METTL15: variants seen among roughly 807,000 people sequenced by gnomAD.
The protein encoded by METTL15 is 12S rRNA N(4)-cytidine methyltransferase METTL15.
A neutral mutation model predicts 38.3 loss-of-function variants in METTL15; 34 were observed. The ratio of observed to expected loss-of-function variants is 0.89; its 90% CI spans 0.68 to 1.18. METTL15 has a LOEUF of 1.18. Among genes scored for constraint, METTL15 ranks in the 50% most tolerant of loss-of-function variants. METTL15 has a pLI of 0.00. For synonymous variants in METTL15, 162 were observed against 170.9 expected (o/e 0.95, Z 0.41); for missense variants, 438 against 498.4 (o/e 0.88, Z 1.15).
intron 3 of METTL15, among the ~76,000 whole-genome samples, chr11:28,208,372 A>C (rs918008297): frequency 2.0e-5 from 3 of 151,886 alleles, no homozygotes; most frequent in Non-Finnish European, 4.4e-5. Context: ...TATGTACCCC[A>C]TAGTCATTCA....
chr11:28,406,098 T>C (rs1850671332), intron 5 of METTL15, among the ~76,000 whole-genome samples: 1 of 152,208 alleles, frequency 6.6e-6, no homozygotes, highest in Admixed American at 6.5e-5. Flanking sequence ...GGGCTCTTTT[T>C]TGGTCCATAT....
chr11:28,331,110 G>A lies in METTL15; in HGVS notation c.*269G>A, dbSNP rs1320746484. On this transcript the variant is annotated 3_prime_UTR_variant, in exon 7 of 7. Transcript: ENST00000407364. Reference sequence around the variant, plus strand: ...TGAAGGCAATCCTTCCTCTGGCCAGGAAATTTTTTAAAAAATAATACTGTG... The same window carrying A: ...TGAAGGCAATCCTTCCTCTGGCCAGAAAATTTTTTAAAAAATAATACTGTG... 1 of 236,660 alleles carries A rather than the reference G, an allele frequency of 4.2e-6. No individual in the cohort carries two copies. The highest frequency in any genetic ancestry group is 7.8e-6 in the Non-Finnish European group (1 of 127,840). 14.7% of individuals were successfully genotyped at this position (236,660 alleles called of 1,614,324 possible). A position where few individuals can be genotyped will look rare whatever the true frequency, so the allele number is the denominator to read the frequency against.
intron 3 of METTL15, among the ~76,000 whole-genome samples, chr11:28,135,135 A>G (rs1849473446): frequency 6.6e-6 from 1 of 152,230 alleles, no homozygotes; most frequent in South Asian, 2.1e-4. Context: ...AGAATTTAAT[A>G]ACAGGTATAT....
chr11:28,433,709 C>T (rs1054893316), intron 6 of METTL15, among the ~76,000 whole-genome samples: 2 of 152,062 alleles, frequency 1.3e-5, no homozygotes, highest in Admixed American at 6.6e-5. Flanking sequence ...CATAAGTTTC[C>T]ATGGAGCTAT....
chr11:28,492,520 CCACACACA>C (rs34573735), intron 6 of METTL15, among the ~76,000 whole-genome samples: 1 of 147,042 alleles, frequency 6.8e-6, no homozygotes, highest in Non-Finnish European at 1.5e-5. Context: ...GCAACTGGAG[CCACACACA>C]CACACACACA....
At chr11:28,115,303 G>A (rs1851892964) in intron 3 of METTL15, among the ~76,000 whole-genome samples, 1 of 150,894 alleles carries the variant, frequency 6.6e-6, no homozygotes, top group South Asian at 2.1e-4. Flanking sequence ...TTGTTGCCCA[G>A]GCTGGAGTGC....
intron 5 of METTL15, among the ~76,000 whole-genome samples, chr11:28,369,870 T>C (rs1213824474): frequency 6.6e-6 from 1 of 152,092 alleles, no homozygotes; most frequent in Non-Finnish European, 1.5e-5. Flanking sequence ...AAGGTAAATA[T>C]ATCAACAAAT....
intron 4 of METTL15, among the ~76,000 whole-genome samples, chr11:28,226,364 T>A (rs1339637065): frequency 6.6e-6 from 1 of 151,962 alleles, no homozygotes; most frequent in Non-Finnish European, 1.5e-5. Context: ...TTGTTTGTTT[T>A]CAGAAAAGAT....
In METTL15 at chr11:28,415,959, G is replaced by C. The variant is rs951687747; in HGVS notation, c.*359-8340G>C. The stretch of plus-strand genomic sequence containing the variant: ...GGGGCCTGAGATAAAAGTACAAGTA[G>C]AGACACACATAACATATGTCTAAAT... On this transcript the variant is annotated intron_variant and NMD_transcript_variant, in intron 5 of 7. Coordinates refer to the METTL15 transcript ENST00000532947. Among the ~76,000 whole-genome samples, 11 of 152,280 alleles carry C rather than the reference G, an allele frequency of 7.2e-5. No individual in the cohort carries two copies. The South Asian group carries it at 1.7e-3, about 23-fold the overall frequency.
downstream of METTL15, among the ~76,000 whole-genome samples, chr11:28,530,390 G>C (rs1851837773): frequency 6.6e-6 from 1 of 152,092 alleles, no homozygotes; most frequent in Non-Finnish European, 1.5e-5. Flanking sequence ...TGAATGCAGA[G>C]TATCTGGTTA....
chr11:28,138,877 A>G (rs1240072101), intron 3 of METTL15, among the ~76,000 whole-genome samples: 1 of 152,170 alleles, frequency 6.6e-6, no homozygotes, highest in Non-Finnish European at 1.5e-5. Context: ...TTCTATCCTA[A>G]GGTATTCCTC....
intron 4 of METTL15, among the ~76,000 whole-genome samples, chr11:28,359,462 T>C (rs1034528104): frequency 6.6e-6 from 1 of 152,192 alleles, no homozygotes; most frequent in African/African-American, 2.4e-5. Flanking sequence ...CTGAGTTGAA[T>C]AGTAGTTGTA....
chr11:28,500,145 G>C (rs545460768), intron 6 of METTL15, among the ~76,000 whole-genome samples: 1 of 151,942 alleles, frequency 6.6e-6, no homozygotes, highest in East Asian at 1.9e-4. Flanking sequence ...GGCTGTGAAC[G>C]GATACACACA....
At chr11:28,126,243 CT>C (rs2133618930) in intron 3 of METTL15, among the ~76,000 whole-genome samples, 1 of 152,212 alleles carries the variant, frequency 6.6e-6, no homozygotes, top group Admixed American at 6.6e-5. Context: ...CAACTACCAT[CT>C]TCAAATGTTT....
chr11:28,167,197 G>A (rs1387815175), intron 3 of METTL15, among the ~76,000 whole-genome samples: 2 of 152,092 alleles, frequency 1.3e-5, no homozygotes, highest in African/African-American at 4.8e-5. Context: ...GTTAGGATGG[G>A]TATATTTTGG....
intron 5 of METTL15, among the ~76,000 whole-genome samples, chr11:28,295,690 C>T (rs922954429): frequency 3.3e-5 from 5 of 151,798 alleles, no homozygotes; most frequent in East Asian, 1.9e-4. Context: ...CATGACAAAT[C>T]GGGGGATAAG....
chr11:28,359,568 C>A (rs1337386219), intron 4 of METTL15, among the ~76,000 whole-genome samples: 2 of 152,152 alleles, frequency 1.3e-5, no homozygotes, highest in East Asian at 1.9e-4. Flanking sequence ...CTTTTCTCCG[C>A]AGCCTTGCCA....
chr11:28,500,404 T>C (rs2582906), intron 6 of METTL15, among the ~76,000 whole-genome samples: 61,577 of 152,156 alleles, frequency 0.4, 13,205 homozygotes, highest in African/African-American at 0.55. Flanking sequence ...GAACCTTGAT[T>C]AAGAACAGGC....
chr11:28,197,584 G>A, intron 3 of METTL15: 1 of 424,044 alleles, frequency 2.4e-6, no homozygotes, highest in South Asian at 1.8e-5. Flanking sequence ...TTTCCTGGTG[G>A]TATAGTATGG....
Sources: allele counts gnomAD v4.1 joint callset (sites outside exome capture counted in the v4.1 genomes callset), GRCh38; gene constraint gnomAD v4.1.1; transcripts MANE v1.5; gene names NCBI Gene and HGNC (gene_info 2026-07-23, HGNC 2026-07-21).